Variants in PBRM1 observed in about 807,000 individuals in gnomAD.
PBRM1 encodes protein polybromo-1.
PBRM1 carries 27 observed loss-of-function variants against 194.5 expected under a neutral mutation model. The observed-to-expected ratio is 0.14, with a 90% CI of 0.10 to 0.19. The LOEUF (loss-of-function observed/expected upper bound fraction) is 0.19. Ranked by LOEUF, PBRM1 falls within the 10% of genes least tolerant of loss-of-function variation. The pLI, the probability that PBRM1 is intolerant of heterozygous loss-of-function variation, is 1.00. For missense variants in PBRM1, 1,466 were observed against 2,077.2 expected (o/e 0.71, Z 5.72); for synonymous variants, 655 against 693.2 (o/e 0.94, Z 0.87).
intron 22 of PBRM1, among the ~76,000 whole-genome samples, chr3:52,568,406 A>T (rs1350970421): frequency 1.3e-5 from 2 of 152,210 alleles, no homozygotes; most frequent in African/African-American, 4.8e-5. Context: ...TATGATAAAC[A>T]TTGCAAATAT....
intron 10 of PBRM1, among the ~76,000 whole-genome samples, chr3:52,636,757 CAA>C (rs567776784): frequency 3.7e-3 from 69 of 18,652 alleles, no homozygotes; most frequent in Admixed American, 5.2e-3. Context: ...ACTCTGTCTC[CAA>C]AAAAAAAAAA....
At chr3:52,596,436 CAAAAA>C (rs763007814) in intron 17 of PBRM1, among the ~76,000 whole-genome samples, 3 of 50,340 alleles carry the variant, frequency 6.0e-5, no homozygotes, top group African/African-American at 1.7e-4. Flanking sequence ...GACTCCGTCT[CAAAAA>C]AAAAAAAAAA....
chr3:52,615,202 A>G, intron 15 of PBRM1, 149 bp downstream of exon 17: 1 of 547,390 alleles, frequency 1.8e-6, no homozygotes, highest in African/African-American at 1.9e-5. Flanking sequence ...AAATACAGTA[A>G]ATGAGAGGGC....
chr3:52,678,069 A>T (rs2097143139), intron 2 of PBRM1, among the ~76,000 whole-genome samples: 1 of 151,632 alleles, frequency 6.6e-6, no homozygotes, highest in Non-Finnish European at 1.5e-5. Flanking sequence ...GATGGGTCTC[A>T]CTATGTTGCC....
intron 19 of PBRM1, 125 bp downstream of exon 21, chr3:52,587,228 T>A: frequency 1.3e-6 from 1 of 759,000 alleles, no homozygotes; most frequent in Non-Finnish European, 2.2e-6. Flanking sequence ...TATAGCTATA[T>A]AGACACGGCT....
intron 22 of PBRM1, among the ~76,000 whole-genome samples, chr3:52,568,304 T>C (rs1180749981): frequency 6.6e-6 from 1 of 152,192 alleles, no homozygotes; most frequent in Non-Finnish European, 1.5e-5. Flanking sequence ...TGCTCTCCTT[T>C]ATTTTCTTTG....
intron 25 of PBRM1, among the ~76,000 whole-genome samples, chr3:52,559,743 C>A (rs1239133363): frequency 1.3e-5 from 2 of 151,760 alleles, no homozygotes; most frequent in African/African-American, 4.8e-5. Flanking sequence ...GAGTTGCCTG[C>A]ATAGCCTTAT....
At chr3:52,615,949 G>A (rs1003622658) in intron 14 of PBRM1, among the ~76,000 whole-genome samples, 3 of 152,168 alleles carry the variant, frequency 2.0e-5, no homozygotes, top group African/African-American at 7.2e-5. Flanking sequence ...ATCTCTCTCT[G>A]AGGACTGAGC....
At chr3:52,572,444 C>T (rs1157237268) in intron 22 of PBRM1, among the ~76,000 whole-genome samples, 2 of 152,116 alleles carry the variant, frequency 1.3e-5, no homozygotes, top group African/African-American at 2.4e-5. Flanking sequence ...GTGATCTCAG[C>T]GCACTGCAAC....
chr3:52,668,587 G>T, exon 3 of PBRM1: 1 of 1,605,022 alleles, frequency 6.2e-7, no homozygotes, highest in Non-Finnish European at 8.5e-7. Flanking sequence ...TTTAGTTTCT[G>T]TTGGATTTTC....
intron 10 of PBRM1, among the ~76,000 whole-genome samples, chr3:52,639,141 T>C (rs1454508374): frequency 6.6e-6 from 1 of 151,902 alleles, no homozygotes; most frequent in Non-Finnish European, 1.5e-5. Flanking sequence ...TGTGCCACTA[T>C]ATGTATTTAT....
intron 22 of PBRM1, among the ~76,000 whole-genome samples, chr3:52,565,390 C>T (rs942530274): frequency 2.0e-5 from 3 of 151,850 alleles, no homozygotes; most frequent in Middle Eastern, 3.2e-3. Context: ...CTCCTGTAAG[C>T]CCAGCTACTC....
intron 15 of PBRM1, among the ~76,000 whole-genome samples, chr3:52,613,434 CAAG>C (rs2094764258): frequency 6.6e-6 from 1 of 151,240 alleles, no homozygotes; most frequent in African/African-American, 2.4e-5. Context: ...CTCGTGGGCT[CAAG>C]CAATCCTTCC....
At chr3:52,641,108 A>G (rs2096062094) in intron 10 of PBRM1, among the ~76,000 whole-genome samples, 1 of 152,180 alleles carries the variant, frequency 6.6e-6, no homozygotes, top group Admixed American at 6.5e-5. Flanking sequence ...TGAAATTTCT[A>G]TAGGAGATTT....
chr3:52,572,129 G>GGA (rs768267641), intron 22 of PBRM1, among the ~76,000 whole-genome samples: 1 of 109,400 alleles, frequency 9.1e-6, no homozygotes, highest in African/African-American at 3.0e-5. Flanking sequence ...TAATATTTTT[G>GGA]AAAAAAAAAA....
intron 28 of PBRM1, 52 bp downstream of exon 30, chr3:52,550,695 A>G: frequency 1.3e-6 from 2 of 1,588,390 alleles, no homozygotes; most frequent in Non-Finnish European, 1.7e-6. Flanking sequence ...ATGTTCTGAG[A>G]AGGATAACTC....
intron 4 of PBRM1, among the ~76,000 whole-genome samples, chr3:52,661,557 G>A (rs753674619): frequency 2.3e-4 from 35 of 152,094 alleles, no homozygotes; most frequent in Admixed American, 2.0e-4. Flanking sequence ...GGAGGAAGGC[G>A]GAGCAAACAA....
At chr3:52,591,511 G>GTTTTTTTTTTTTTTT (rs57736913) in intron 17 of PBRM1, among the ~76,000 whole-genome samples, 35 of 71,846 alleles carry the variant, frequency 4.9e-4, no homozygotes, top group Non-Finnish European at 5.6e-4. Context: ...TTTTGTCTTT[G>GTTTTTTTTTTTTTTT]TTTTTTTTTT....
intron 2 of PBRM1, among the ~76,000 whole-genome samples, chr3:52,673,958 T>TCAAGTG (rs1429464024): frequency 2.7e-5 from 4 of 147,834 alleles, no homozygotes; most frequent in Non-Finnish European, 6.0e-5. Flanking sequence ...GGCTGAAGCA[T>TCAAGTG]AAGAATCACT....
Sources: gnomAD v4.1 joint callset for allele counts (sites outside exome capture counted in the v4.1 genomes callset) on GRCh38, gnomAD v4.1.1 for gene constraint, MANE v1.5 for transcripts, NCBI Gene and HGNC (gene_info 2026-07-23, HGNC 2026-07-21) for gene names.